Variants in TTC27 observed in about 807,000 individuals in gnomAD.
TTC27 encodes the protein tetratricopeptide repeat protein 27.
A neutral mutation model predicts 115.9 loss-of-function variants in TTC27; 79 were observed. The observed-to-expected ratio is 0.68, with a 90% confidence interval of 0.57 to 0.82. The LOEUF is 0.82. Among genes scored for constraint, TTC27 ranks in the 40% least tolerant of loss-of-function variants. TTC27 has a pLI of 0.00. For missense variants in TTC27, 1,054 were observed against 993.1 expected (o/e 1.06, Z -0.82); for synonymous variants, 401 against 356.0 (o/e 1.13, Z -1.42).
At chr2:32,754,838 C>A (rs1669154781) in intron 12 of TTC27, among the ~76,000 whole-genome samples, 1 of 146,880 alleles carries the variant, frequency 6.8e-6, no homozygotes, top group Non-Finnish European at 1.5e-5. Context: ...CCCCCCCCAC[C>A]TCCCTCCCGG....
At chr2:32,754,503 T>C (rs1273832745) in intron 12 of TTC27, among the ~76,000 whole-genome samples, 1 of 149,566 alleles carries the variant, frequency 6.7e-6, no homozygotes, top group Non-Finnish European at 1.5e-5. Flanking sequence ...GAAGAATTTT[T>C]CTTAGTACAG....
At chr2:32,700,027 A>G (rs1412978048) in intron 9 of TTC27, among the ~76,000 whole-genome samples, 2 of 152,188 alleles carry the variant, frequency 1.3e-5, no homozygotes, top group African/African-American at 4.8e-5. Flanking sequence ...TGGTCTGTGC[A>G]CTGCACCATT....
chr2:32,708,738 G>GT (rs1667472394), intron 10 of TTC27, among the ~76,000 whole-genome samples: 1 of 151,950 alleles, frequency 6.6e-6, no homozygotes, highest in Non-Finnish European at 1.5e-5. Context: ...CTGAAACCAT[G>GT]TTTTTTTAGT....
At chr2:32,654,756 C>T (rs889785460) in intron 5 of TTC27, among the ~76,000 whole-genome samples, 1 of 150,086 alleles carries the variant, frequency 6.7e-6, no homozygotes, top group Admixed American at 6.7e-5. Context: ...AGTGTAATGG[C>T]GTGATCTTGG....
intron 10 of TTC27, among the ~76,000 whole-genome samples, chr2:32,711,734 G>A (rs182309747): frequency 6.6e-6 from 1 of 152,200 alleles, no homozygotes; most frequent in East Asian, 1.9e-4. Flanking sequence ...GAGGTCAGGA[G>A]TTCAAGACTA....
At chr2:32,765,425 A>G (rs1669592906) in intron 13 of TTC27, among the ~76,000 whole-genome samples, 1 of 151,026 alleles carries the variant, frequency 6.6e-6, no homozygotes, top group Non-Finnish European at 1.5e-5. Context: ...ACCGTGCTGT[A>G]AACAGAAGTA....
chr2:32,787,664 C>G (rs1016083121), intron 16 of TTC27, among the ~76,000 whole-genome samples: 2 of 152,120 alleles, frequency 1.3e-5, no homozygotes, highest in African/African-American at 4.8e-5. Flanking sequence ...AGATTCAAAG[C>G]TGTTGTGTCA....
intron 4 of TTC27, among the ~76,000 whole-genome samples, chr2:32,647,326 G>A (rs1664902763): frequency 6.6e-6 from 1 of 152,124 alleles, no homozygotes; most frequent in Non-Finnish European, 1.5e-5. Flanking sequence ...AGAATAAGCT[G>A]CCAGACCTGA....
intron 13 of TTC27, among the ~76,000 whole-genome samples, chr2:32,761,023 G>C (rs1288683020): frequency 1.3e-5 from 2 of 152,066 alleles, no homozygotes; most frequent in South Asian, 2.1e-4. Flanking sequence ...CAACTTCCCA[G>C]ATTTTATTTT....
Position 32,630,655 on chromosome 2 carries a change from T to C in TTC27, c.221T>C (p.Val74Ala). 6.2e-7 allele frequency: 1 copy of C among 1,613,260 alleles called. No homozygotes were observed. Among genetic ancestry groups the C allele is most frequent in the Non-Finnish European group, 8.5e-7 (1 of 1,179,804 alleles). The change falls in exon 2 of 20, where the codon GTA (valine) becomes GCA (alanine). Residue 74 changes from valine (V) to alanine (A), a missense_variant. Physicochemically the swap from Val to Ala is moderately conservative, Grantham distance 64 (BLOSUM62 0). Coordinates refer to ENST00000317907, the MANE Select transcript of TTC27 (RefSeq NM_017735.5). Reference sequence around the variant, plus strand: ...ATTGATAGCTACCTGGAGAAGCAGGTAGTAACATTCCTGGATTACTCAACA... The same window carrying C: ...ATTGATAGCTACCTGGAGAAGCAGGCAGTAACATTCCTGGATTACTCAACA... ...EKIDSYLEKQ[V>A]VTFLDYSTDL...
intron 4 of TTC27, among the ~76,000 whole-genome samples, chr2:32,643,152 T>C (rs1664720359): frequency 6.6e-6 from 1 of 152,038 alleles, no homozygotes; most frequent in Non-Finnish European, 1.5e-5. Flanking sequence ...GGTTTTTTAA[T>C]ACACGGATTT....
In TTC27 at chr2:32,679,639, T is replaced by G. The variant is rs377316591; in HGVS notation, c.1119+717T>G. Among the ~76,000 whole-genome samples, 71 of 152,350 alleles carry G rather than the reference T, an allele frequency of 4.7e-4. 2 individuals are homozygous for G. The South Asian group carries it at 0.014, about 31-fold the overall frequency. ...GGAATCCATTTAGAATTCTGTTGTT[T>G]TCTTCCTTTGTTATTTTTCAGATAA... On this transcript the variant is annotated intron_variant, in intron 9 of 19. Coordinates refer to ENST00000317907, the MANE Select transcript of TTC27 (RefSeq NM_017735.5).
intron 10 of TTC27, among the ~76,000 whole-genome samples, chr2:32,732,755 C>A (rs1228860648): frequency 6.6e-6 from 1 of 152,110 alleles, no homozygotes; most frequent in African/African-American, 2.4e-5. Flanking sequence ...AATATGAGAA[C>A]GACATTCTCC....
intron 4 of TTC27, among the ~76,000 whole-genome samples, chr2:32,648,866 G>A (rs1161472945): frequency 6.6e-6 from 1 of 151,970 alleles, no homozygotes; most frequent in Non-Finnish European, 1.5e-5. Context: ...ACAAAAATTA[G>A]CTGGGCATGG....
chr2:32,696,559 A>T (rs578262379), intron 9 of TTC27, among the ~76,000 whole-genome samples: 1 of 151,952 alleles, frequency 6.6e-6, no homozygotes, highest in Non-Finnish European at 1.5e-5. Flanking sequence ...CTCCGAAAGT[A>T]CTAGGATTAC....
At chr2:32,717,080 T>G (rs536473608) in intron 10 of TTC27, among the ~76,000 whole-genome samples, 1 of 151,654 alleles carries the variant, frequency 6.6e-6, no homozygotes, top group Admixed American at 6.6e-5. Flanking sequence ...CACAGCTCAC[T>G]ACAATCTTGA....
At chr2:32,668,543 T>TCCCC (rs1412812123) in intron 7 of TTC27, among the ~76,000 whole-genome samples, 1 of 43,320 alleles carries the variant, frequency 2.3e-5, no homozygotes, top group African/African-American at 1.0e-4. Flanking sequence ...CCTTCCTCCC[T>TCCCC]CCCTCCCTCC....
At chr2:32,674,336 A>C (rs993554148) in intron 8 of TTC27, among the ~76,000 whole-genome samples, 4 of 151,926 alleles carry the variant, frequency 2.6e-5, no homozygotes, top group Non-Finnish European at 5.9e-5. Context: ...TTTTTAGTAG[A>C]GACGGGGTTT....
At chr2:32,659,929 G>A (rs1235717070) in intron 5 of TTC27, among the ~76,000 whole-genome samples, 1 of 152,054 alleles carries the variant, frequency 6.6e-6, no homozygotes, top group Non-Finnish European at 1.5e-5. Context: ...TGGGCATTTG[G>A]GTTGACTCCA....
Sources: gnomAD v4.1 joint callset for allele counts (sites outside exome capture counted in the v4.1 genomes callset) on GRCh38, gnomAD v4.1.1 for gene constraint, MANE v1.5 for transcripts, NCBI Gene and HGNC (gene_info 2026-07-23, HGNC 2026-07-21) for gene names.